Variants in FCAR observed in about 807,000 individuals in gnomAD.
The protein encoded by FCAR is immunoglobulin alpha Fc receptor.
Under a neutral mutation model 27.1 loss-of-function variants are expected in FCAR, and 21 were observed. The observed-to-expected ratio is 0.77, with a 90% CI of 0.55 to 1.11. FCAR has a LOEUF of 1.11. Ranked by LOEUF, FCAR falls within the 50% of genes most tolerant of loss-of-function variation. FCAR has a pLI of 0.00. For synonymous variants in FCAR, 134 were observed against 135.8 expected (o/e 0.99, Z 0.09); for missense variants, 404 against 358.4 (o/e 1.13, Z -1.03).
chr19:54,884,649 A>C (rs1021978615), intron 2 of FCAR, among the ~76,000 whole-genome samples: 8 of 148,894 alleles, frequency 5.4e-5, no homozygotes, highest in African/African-American at 1.7e-4. Flanking sequence ...TAAAAAATAA[A>C]GATGGCAACC....
In FCAR at chr19:54,889,972, T is replaced by A; in HGVS notation, c.*109T>A. 1 of 820,790 alleles carries A rather than the reference T, an allele frequency of 1.2e-6. No homozygotes were observed. Among genetic ancestry groups the A allele is most frequent in the Non-Finnish European group, 1.9e-6 (1 of 520,480 alleles). 50.8% of individuals were successfully genotyped at this position (820,790 alleles called of 1,614,324 possible). A position where few individuals can be genotyped will look rare whatever the true frequency, so the allele number is the denominator to read the frequency against. On this transcript the variant is annotated 3_prime_UTR_variant, in exon 5 of 5. Transcript: ENST00000355524. ...TAAGAAGCTTGAATCTACTTTTTTT[T>A]TTTTTTGAGACAGAGTCTGGCTCTG...
intron 2 of FCAR, among the ~76,000 whole-genome samples, chr19:54,881,278 C>T (rs1373203110): frequency 6.6e-6 from 1 of 152,132 alleles, no homozygotes; most frequent in African/African-American, 2.4e-5. Context: ...AGACTGGCCT[C>T]TTCTCCTTAG....
intron 2 of FCAR, among the ~76,000 whole-genome samples, chr19:54,878,540 CTTTT>C (rs1214195941): frequency 2.0e-5 from 3 of 151,380 alleles, no homozygotes; most frequent in Non-Finnish European, 3.0e-5. Flanking sequence ...TCTTCATGCT[CTTTT>C]TTTAATTTTT....
At chr19:54,880,569 AG>A (rs1459037053) in intron 2 of FCAR, among the ~76,000 whole-genome samples, 1 of 152,196 alleles carries the variant, frequency 6.6e-6, no homozygotes, top group Admixed American at 6.5e-5. Context: ...CCAGGTAAAG[AG>A]CCCTTGCTGG....
At chr19:54,876,831 G>A (rs1415436443) in intron 2 of FCAR, among the ~76,000 whole-genome samples, 1 of 152,172 alleles carries the variant, frequency 6.6e-6, no homozygotes, top group Non-Finnish European at 1.5e-5. Context: ...TCAGGCAGGA[G>A]AATGGCGTGA....
chr19:54,878,110 GGTTTC>G (rs1259262710), intron 2 of FCAR, among the ~76,000 whole-genome samples: 4 of 151,998 alleles, frequency 2.6e-5, no homozygotes, highest in Non-Finnish European at 5.9e-5. Context: ...GTAAAGACGG[GGTTTC>G]ACTGCGTTAG....
intron 2 of FCAR, among the ~76,000 whole-genome samples, chr19:54,884,256 C>T (rs2066577856): frequency 6.6e-6 from 1 of 152,222 alleles, no homozygotes; most frequent in South Asian, 2.1e-4. Flanking sequence ...GTGGCCTCTG[C>T]GGGGGCTGTG....
intron 4 of FCAR, among the ~76,000 whole-genome samples, chr19:54,889,391 A>AAC (rs1247503918): frequency 2.4e-5 from 3 of 124,296 alleles, no homozygotes; most frequent in African/African-American, 3.4e-5. Context: ...AAAAAAAAAA[A>AAC]ACACACACAA....
chr19:54,880,344 G>C (rs2066342483), intron 2 of FCAR, among the ~76,000 whole-genome samples: 1 of 151,970 alleles, frequency 6.6e-6, no homozygotes, highest in African/African-American at 2.4e-5. Flanking sequence ...GCTTTATTTT[G>C]CCATTAATAC....
At position 54,874,298 on chromosome 19, in the gene FCAR, C is replaced by G; in HGVS notation, c.9C>G (p.Pro3=). 2 of 1,614,114 alleles carry G rather than the reference C, an allele frequency of 1.2e-6. No homozygotes were observed. Among genetic ancestry groups the G allele is most frequent in the Non-Finnish European group, 1.7e-6 (2 of 1,179,990 alleles). Residue 3 remains proline (P), a synonymous_variant, in exon 1 of 5, where the codon CCC becomes CCG. Transcript: ENST00000355524. ...GAGGCCGTGTCAGCACGATGGACCC[C>G]AAACAGACCACCCTCCTGTGTCTTG... MD[P]KQTTLLCLVL...
At chr19:54,875,936 G>A (rs2066066953) in intron 2 of FCAR, among the ~76,000 whole-genome samples, 1 of 152,094 alleles carries the variant, frequency 6.6e-6, no homozygotes, top group Non-Finnish European at 1.5e-5. Context: ...TTTGTGTGTT[G>A]AACAATACTC....
chr19:54,885,269 G>C lies in FCAR; in HGVS notation c.105G>C (p.Ser35=). 1 of 1,613,652 alleles carries C rather than the reference G, an allele frequency of 6.2e-7. No individual in the cohort carries two copies. The highest frequency in any genetic ancestry group is 8.5e-7 in the Non-Finnish European group (1 of 1,179,808). Residue 35 remains serine (S), a synonymous_variant, in exon 3 of 5, where the codon TCG becomes TCC. Transcript: ENST00000355524. ...DFPMPFISAK[S]SPVIPLDGSV... ...CCATGCCTTTCATATCTGCCAAATC[G>C]AGTCCTGTGATTCCCTTGGATGGAT...
chr19:54,889,899 G>C lies in FCAR; in HGVS notation c.*36G>C, dbSNP rs986062757. ...GTGAAGGCAGAGAGGAGCCAGGACT[G>C]TGGAGTCCGACAAAGCTACTTGAAG... On this transcript the variant is annotated 3_prime_UTR_variant, in exon 5 of 5. Transcript: ENST00000355524. The C allele has an allele frequency of 3.4e-6, 5 of 1,450,290 alleles. No individual in the cohort carries two copies. In the African/African-American group the frequency reaches 5.6e-5, roughly 16 times the overall value. 89.8% of individuals were successfully genotyped at this position (1,450,290 alleles called of 1,614,324 possible).
Position 54,885,363 on chromosome 19 carries a change from A to C in FCAR, c.199A>C (p.Thr67Pro). 1 of 1,614,064 alleles carries C rather than the reference A, an allele frequency of 6.2e-7. No individual in the cohort carries two copies. Among genetic ancestry groups the C allele is most frequent in the South Asian group, 1.1e-5 (1 of 91,080 alleles). Residue 67 changes from threonine to proline, a missense_variant, in exon 3 of 5, where the codon ACG becomes CCG. Thr to Pro is a conservative substitution (Grantham distance 38). Transcript: ENST00000355524. ...CCAGCTGATGATCATAAAAAACTCC[A>C]CGTACCGAGAGATAGGCAGAAGACT... ...LTQLMIIKNS[T>P]YREIGRRLKF...
Position 54,891,003 on chromosome 19 carries a change from G to C in FCAR, c.*1140G>C, listed in dbSNP as rs2067048546. 1 of 152,018 alleles carries C rather than the reference G, an allele frequency of 6.6e-6. No homozygotes were observed. Among genetic ancestry groups the C allele is most frequent in the East Asian group, 1.9e-4 (1 of 5,188 alleles). 9.4% of individuals were successfully genotyped at this position (152,018 alleles called of 1,614,324 possible). A position where few individuals can be genotyped will look rare whatever the true frequency, so the allele number is the denominator to read the frequency against. On this transcript the variant is annotated 3_prime_UTR_variant, in exon 5 of 5. Transcript: ENST00000355524. ...CTATTTCTACCGGATTTTCATACAA[G>C]GAATACAGGCATGTGTTTCACCTCA...
chr19:54,877,919 GT>G lies in FCAR; in HGVS notation c.70+2568del, dbSNP rs60830828. On this transcript the variant is annotated intron_variant, in intron 2 of 4. Transcript: ENST00000355524. The stretch of plus-strand genomic sequence containing the variant: ...CGCTTTTCTGGATTTGCTAAGGATT[GT>G]TTTTTTTTTTTTTGAAATGGAGTCT... Among the ~76,000 whole-genome samples, 679 of 141,454 alleles carry G rather than the reference GT, an allele frequency of 4.8e-3. 1 individual carries two copies. The highest frequency in any genetic ancestry group is 0.015 in the African/African-American group (560 of 38,452). 92.8% of individuals were successfully genotyped at this position (141,454 alleles called of 152,430 possible).
chr19:54,875,486 C>A, intron 2 of FCAR, 121 bp downstream of exon 2: 1 of 813,456 alleles, frequency 1.2e-6, no homozygotes. Flanking sequence ...GTTGTTTCTG[C>A]TGTGCTTCTC....
intron 2 of FCAR, among the ~76,000 whole-genome samples, chr19:54,880,664 T>C (rs1342972482): frequency 6.6e-6 from 1 of 152,236 alleles, no homozygotes; most frequent in Non-Finnish European, 1.5e-5. Flanking sequence ...TTCTCATCCA[T>C]GTGGGCTAAT....
At chr19:54,889,559 A>G in intron 4 of FCAR, 90 bp from the exon 5 acceptor site, 1 of 1,109,886 alleles carries the variant, frequency 9.0e-7, no homozygotes. Flanking sequence ...GCAAGCGAAA[A>G]GGAAAATGAG....
Sources: allele counts gnomAD v4.1 joint callset (sites outside exome capture counted in the v4.1 genomes callset), GRCh38; gene constraint gnomAD v4.1.1; transcripts MANE v1.5; gene names NCBI Gene and HGNC (gene_info 2026-07-23, HGNC 2026-07-21).